MICAL2: variants seen among roughly 807,000 people sequenced by gnomAD.
The protein encoded by MICAL2 is [F-actin]-monooxygenase MICAL2.
Under a neutral mutation model 127.3 loss-of-function variants are expected in MICAL2, and 77 were observed. The observed-to-expected ratio is 0.60, with a 90% CI of 0.50 to 0.73. The LOEUF is 0.73. MICAL2 is among the 30% of genes least tolerant of loss of function. The pLI, the probability that MICAL2 is intolerant of heterozygous loss-of-function variation, is 0.00. For synonymous variants in MICAL2, 570 were observed against 551.1 expected (o/e 1.03, Z -0.48); for missense variants, 1,351 against 1,434.4 (o/e 0.94, Z 0.94).
At chr11:12,344,320 C>G (rs1938917644) in intron 32 of MICAL2, among the ~76,000 whole-genome samples, 1 of 151,588 alleles carries the variant, frequency 6.6e-6, no homozygotes. Context: ...AAACAAAAAA[C>G]AAAAGAAAAG....
intron 27 of MICAL2, 173 bp downstream of exon 27, chr11:12,262,710 G>A: frequency 1.6e-6 from 1 of 619,946 alleles, no homozygotes; most frequent in Non-Finnish European, 2.9e-6. Flanking sequence ...TGTTCAGCTT[G>A]AGACCCATGC....
intron 32 of MICAL2, among the ~76,000 whole-genome samples, chr11:12,335,673 G>A (rs996589698): frequency 6.6e-6 from 1 of 152,066 alleles, no homozygotes; most frequent in African/African-American, 2.4e-5. Flanking sequence ...TCTACATATG[G>A]CTAGCTAGTT....
At chr11:12,196,766 C>T (rs1453952909) in intron 3 of MICAL2, among the ~76,000 whole-genome samples, 1 of 152,164 alleles carries the variant, frequency 6.6e-6, no homozygotes, top group African/African-American at 2.4e-5. Flanking sequence ...CTTCAGTCTG[C>T]CATCCAAGTC....
intron 3 of MICAL2, among the ~76,000 whole-genome samples, chr11:12,202,562 T>C (rs951305186): frequency 6.6e-6 from 1 of 152,228 alleles, no homozygotes; most frequent in African/African-American, 2.4e-5. Flanking sequence ...TTTTAAAGAC[T>C]CTCCTCTGTG....
rs773094713 is a variant in MICAL2 at position 12,226,161 on chromosome 11, G to C, written c.1689-10G>C. 1.2e-6 allele frequency: 2 copies of C among 1,614,056 alleles called. No homozygotes were observed. Among genetic ancestry groups the C allele is most frequent in the Non-Finnish European group, 1.7e-6 (2 of 1,179,954 alleles). On this transcript the variant is annotated splice_polypyrimidine_tract_variant and intron_variant, in intron 13 of 27. Coordinates refer to ENST00000683283, the MANE Select transcript of MICAL2 (RefSeq NM_001282663.2). ...TCCCTGAATTTCTCTGCTTTGTTTT[G>C]ATTCTCTAGCAACTTTGACTCTTTG... is the stretch of plus-strand genomic sequence containing the variant.
intron 33 of MICAL2, among the ~76,000 whole-genome samples, chr11:12,353,895 A>G (rs900764277): frequency 2.6e-5 from 4 of 152,180 alleles, no homozygotes; most frequent in Admixed American, 2.0e-4. Flanking sequence ...CATGTACCAC[A>G]GTCAGAGACT....
intron 32 of MICAL2, among the ~76,000 whole-genome samples, chr11:12,339,385 A>G (rs1190157455): frequency 1.3e-5 from 2 of 151,818 alleles, no homozygotes; most frequent in African/African-American, 2.4e-5. Context: ...CTTTTTTGCC[A>G]TTGGTTCGAA....
intron 3 of MICAL2, among the ~76,000 whole-genome samples, chr11:12,195,340 A>G (rs2134055459): frequency 6.6e-6 from 1 of 152,336 alleles, no homozygotes; most frequent in East Asian, 1.9e-4. Context: ...ATTTGGGAGG[A>G]AATGTATTGA....
chr11:12,157,560 C>T (rs1564943), intron 2 of MICAL2, among the ~76,000 whole-genome samples: 86,993 of 152,042 alleles, frequency 0.57, 25,727 homozygotes, highest in Middle Eastern at 0.77. Flanking sequence ...CTTGTTTCTT[C>T]CCAGAAAATG....
chr11:12,316,688 A>G (rs893392798), intron 29 of MICAL2, among the ~76,000 whole-genome samples: 13 of 151,896 alleles, frequency 8.6e-5, no homozygotes, highest in Non-Finnish European at 1.3e-4. Flanking sequence ...GCTTTTTTAC[A>G]TATCTAGTAA....
At chr11:12,115,967 T>G (rs1018850225) in intron 1 of MICAL2, among the ~76,000 whole-genome samples, 33 of 150,778 alleles carry the variant, frequency 2.2e-4, no homozygotes, top group African/African-American at 8.0e-4. Context: ...AATACTACCC[T>G]CTTTCCCTTT....
intron 29 of MICAL2, among the ~76,000 whole-genome samples, chr11:12,314,492 T>C (rs990979728): frequency 2.0e-5 from 3 of 151,832 alleles, no homozygotes; most frequent in African/African-American, 4.8e-5. Context: ...ATTTTTTTTT[T>C]CTTTGAGATG....
At chr11:12,322,154 T>A (rs545845644) in intron 30 of MICAL2, among the ~76,000 whole-genome samples, 6 of 152,292 alleles carry the variant, frequency 3.9e-5, no homozygotes, top group Middle Eastern at 3.4e-3. Flanking sequence ...TAGTACAGTA[T>A]CTGGCATATA....
intron 4 of MICAL2, 99 bp from the exon 5 acceptor site, chr11:12,207,924 G>A (rs1200447150): frequency 1.4e-5 from 13 of 899,100 alleles, no homozygotes; most frequent in Non-Finnish European, 2.4e-5. Flanking sequence ...ATACTGCTGT[G>A]CTCAAAGGTC....
intron 3 of MICAL2, among the ~76,000 whole-genome samples, chr11:12,175,218 GTAATCCCAGCA>G (rs1856703416): frequency 6.6e-6 from 1 of 152,130 alleles, no homozygotes; most frequent in African/African-American, 2.4e-5. Context: ...GCTCACGTCT[GTAATCCCAGCA>G]CTTTGGGAAG....
intron 32 of MICAL2, among the ~76,000 whole-genome samples, chr11:12,342,462 G>A (rs1053903003): frequency 6.6e-6 from 1 of 152,168 alleles, no homozygotes; most frequent in Non-Finnish European, 1.5e-5. Context: ...ACAAAATAAA[G>A]TTTAGCCATG....
intron 2 of MICAL2, among the ~76,000 whole-genome samples, chr11:12,285,925 CT>C (rs35359499): frequency 0.25 from 37,671 of 152,096 alleles, 5,439 homozygotes; most frequent in East Asian, 0.6. Flanking sequence ...CTGGCCCTGC[CT>C]GTGTGCACAT....
At chr11:12,237,983 C>T (rs1859319476) in intron 16 of MICAL2, among the ~76,000 whole-genome samples, 2 of 152,332 alleles carry the variant, frequency 1.3e-5, no homozygotes, top group South Asian at 4.1e-4. Flanking sequence ...TGCTGTTGTG[C>T]ACAGTTACAT....
intron 29 of MICAL2, among the ~76,000 whole-genome samples, chr11:12,308,579 G>A (rs1350608246): frequency 6.6e-6 from 1 of 152,052 alleles, no homozygotes; most frequent in Non-Finnish European, 1.5e-5. Context: ...TCATTAATAT[G>A]TAGAAGCAAA....
Sources: gnomAD v4.1 joint callset for allele counts (sites outside exome capture counted in the v4.1 genomes callset) on GRCh38, gnomAD v4.1.1 for gene constraint, MANE v1.5 for transcripts, NCBI Gene and HGNC (gene_info 2026-07-23, HGNC 2026-07-21) for gene names.